Variants in ZNF618 observed in about 807,000 individuals in gnomAD.
ZNF618 encodes the protein zinc finger protein 618.
A neutral mutation model predicts 103.0 loss-of-function variants in ZNF618; 34 were observed. The ratio of observed to expected loss-of-function variants is 0.33; its 90% CI spans 0.25 to 0.44. The LOEUF is 0.44. Ranked by LOEUF, ZNF618 falls within the 20% of genes least tolerant of loss-of-function variation. The pLI is 1.00. For missense variants in ZNF618, 1,059 were observed against 1,295.4 expected, an observed-to-expected ratio of 0.82 and a Z score of 2.80; for synonymous variants, 551 against 542.2, an observed-to-expected ratio of 1.02 and a Z score of -0.23.
chr9:113,924,129 C>T (rs2131699685), intron 1 of ZNF618, among the ~76,000 whole-genome samples: 1 of 152,152 alleles, frequency 6.6e-6, no homozygotes, highest in South Asian at 2.1e-4. Context: ...TGGTACAATT[C>T]ACCACTTGGA....
intron 1 of ZNF618, among the ~76,000 whole-genome samples, chr9:113,897,465 C>A (rs1285604941): frequency 2.0e-5 from 3 of 152,138 alleles, no homozygotes; most frequent in Non-Finnish European, 4.4e-5. Context: ...CTTATTCCAG[C>A]CTCTATGTTT....
chr9:114,047,769 T>A, intron 13 of ZNF618, 124 bp from the exon 14 acceptor site: 1 of 735,476 alleles, frequency 1.4e-6, no homozygotes, highest in Non-Finnish European at 2.3e-6. Context: ...AGCCAGGATT[T>A]TAACCCAGGC....
chr9:114,035,488 G>A (rs747900522), intron 12 of ZNF618, among the ~76,000 whole-genome samples: 3 of 152,194 alleles, frequency 2.0e-5, no homozygotes, highest in Non-Finnish European at 1.5e-5. Context: ...AGGAGCTCAG[G>A]CCTTCCCATT....
chr9:113,976,793 TCA>T (rs534568953), intron 2 of ZNF618, among the ~76,000 whole-genome samples: 228 of 152,334 alleles, frequency 1.5e-3, no homozygotes, highest in African/African-American at 4.9e-3. Context: ...ACCTAACTTT[TCA>T]CATTTTGTCT....
intron 1 of ZNF618, among the ~76,000 whole-genome samples, chr9:113,902,352 T>C (rs981807822): frequency 2.0e-4 from 30 of 152,210 alleles, no homozygotes; most frequent in African/African-American, 6.0e-4. Context: ...TTTCTTTCCC[T>C]CCCTTTTAAA....
In ZNF618 at chr9:114,056,193, G is replaced by A. The variant is rs1037163385; in HGVS notation, c.*6026G>A. On this transcript the variant is annotated 3_prime_UTR_variant, in exon 15 of 15. Transcript: ENST00000374126. ...GTCCTTTGGGTTTTTGTTTCACTTTGTTTTGGTGCCGTTTCTCCATTTACA... is the reference window on the plus strand; with the variant it reads ...GTCCTTTGGGTTTTTGTTTCACTTTATTTTGGTGCCGTTTCTCCATTTACA... 6.6e-6 allele frequency: 1 copy of A among 152,104 alleles called. No individual in the cohort carries two copies. Among genetic ancestry groups the A allele is most frequent in the African/African-American group, 2.4e-5 (1 of 41,332 alleles). The allele number at this position is 152,104 out of a possible 1,614,324, so 9.4% of individuals were successfully genotyped here.
intron 1 of ZNF618, among the ~76,000 whole-genome samples, chr9:113,950,864 G>A (rs1480355846): frequency 1.3e-5 from 2 of 151,854 alleles, no homozygotes; most frequent in African/African-American, 4.8e-5. Flanking sequence ...GAGGAGAGTT[G>A]GCCAGGCAGT....
chr9:114,000,674 A>G lies in ZNF618; in HGVS notation c.434-1322A>G, dbSNP rs12683867. Among the ~76,000 whole-genome samples, 88 of 152,220 alleles carry G rather than the reference A, an allele frequency of 5.8e-4. 1 individual carries two copies. In the East Asian group the frequency reaches 0.016, roughly 28 times the overall value. ...GCTTCACTTCATGCCTCAGGTACAC[A>G]CTCAGGAAACGGGCCTCTGCTTCCA... On this transcript the variant is annotated intron_variant, in intron 4 of 14. Transcript: ENST00000374126.
Position 114,055,508 on chromosome 9 carries a change from T to C in ZNF618, c.*5341T>C, listed in dbSNP as rs1040459657. On this transcript the variant is annotated 3_prime_UTR_variant, in exon 15 of 15. Transcript: ENST00000374126. ...TGTTTTCTGATCCTGCCTTTTTCTT[T>C]TCCCCACAACTTCACGCCAGTGAGT... The C allele has an allele frequency of 2.0e-5, 3 of 152,674 alleles. No homozygotes were observed. The highest frequency in any genetic ancestry group is 2.1e-4 in the South Asian group (1 of 4,826). The allele number at this position is 152,674 out of a possible 1,614,324, so 9.5% of individuals were successfully genotyped here.
Position 114,008,374 on chromosome 9 carries a change from G to A in ZNF618, c.671G>A (p.Arg224Gln), listed in dbSNP as rs748250242. ...VFSVEGAPEN[R>Q]ADPFDQGVVA... ...AGTGTGGAAGGGGCCCCTGAGAACC[G>A]GGCAGGTAAGTCCTTGGTGTCTGCT... is the stretch of plus-strand genomic sequence containing the variant. Residue 224 changes from arginine (R) to glutamine (Q), a missense_variant, in exon 8 of 15, where the codon CGG becomes CAG. Around this residue, in one of 6 missense-constraint regions of ZNF618, gnomAD observed 434 missense variants for 476.0 expected, o/e 0.91. Transcript: ENST00000374126. 1.9e-5 allele frequency: 30 copies of A among 1,613,842 alleles called. No homozygotes were observed. The highest frequency in any genetic ancestry group is 1.2e-4 in the Admixed American group (7 of 60,010).
chr9:114,021,336 A>G (rs774601037), intron 10 of ZNF618, among the ~76,000 whole-genome samples: 2 of 152,118 alleles, frequency 1.3e-5, no homozygotes, highest in Non-Finnish European at 2.9e-5. Flanking sequence ...CATCTAAATT[A>G]CTTAACGATC....
intron 1 of ZNF618, among the ~76,000 whole-genome samples, chr9:113,878,725 G>T (rs1828204099): frequency 6.6e-6 from 1 of 152,134 alleles, no homozygotes; most frequent in African/African-American, 2.4e-5. Context: ...ATTGATGGTG[G>T]GTCACCTGGG....
intron 1 of ZNF618, among the ~76,000 whole-genome samples, chr9:113,961,467 C>G (rs61140657): frequency 2.0e-5 from 3 of 152,220 alleles, no homozygotes; most frequent in Admixed American, 2.0e-4. Flanking sequence ...AATCAAACAT[C>G]TAATAGGAAC....
At position 114,002,090 on chromosome 9, in the gene ZNF618, TG is replaced by T; in HGVS notation, c.511+21del. The T allele has an allele frequency of 6.2e-7, 1 of 1,610,040 alleles. No individual in the cohort carries two copies. Among genetic ancestry groups the T allele is most frequent in the Non-Finnish European group, 8.5e-7 (1 of 1,178,600 alleles). ...CGCACCGAGGTGAGAGGAGTGTCCC[TG>T]GGGCAGAGCCCAGGGGCCGCACCTC... On this transcript the variant is annotated intron_variant, in intron 5 of 14. Transcript: ENST00000374126.
intron 1 of ZNF618, among the ~76,000 whole-genome samples, chr9:113,934,090 C>A (rs1833838048): frequency 6.6e-6 from 1 of 152,098 alleles, no homozygotes; most frequent in Admixed American, 6.5e-5. Context: ...TGATCAGAGT[C>A]AGATGAGTTG....
Position 114,036,309 on chromosome 9 carries a change from C to T in ZNF618, c.1178C>T (p.Thr393Ile). ...GCATTTCTCCCTCCAGAACCCTACA[C>T]CTGCGGCGCCTGTGGGATCCAGTTC... ...SSSQNSSEPY[T>I]CGACGIQFQF... The change falls in exon 13 of 15, where the codon ACC becomes ATC. Residue 393 changes from threonine (T) to isoleucine (I), a missense_variant. Physicochemically the swap from Thr to Ile is moderately conservative, Grantham distance 89. This residue lies in a region of ZNF618 where 434 missense variants were observed against 476.0 expected (regional missense o/e 0.91). Transcript: ENST00000374126. 1 of 1,573,764 alleles carries T rather than the reference C, an allele frequency of 6.4e-7. No homozygotes were observed. Among genetic ancestry groups the T allele is most frequent in the Non-Finnish European group, 8.6e-7 (1 of 1,158,840 alleles).
intron 3 of ZNF618, among the ~76,000 whole-genome samples, 193 bp downstream of exon 3, chr9:113,988,773 G>A (rs1839738725): frequency 6.6e-6 from 1 of 152,186 alleles, no homozygotes; most frequent in African/African-American, 2.4e-5. Flanking sequence ...GCTGGAGAGC[G>A]CTTCTGTTTC....
At chr9:113,909,781 TTTTGTTTG>T (rs140265918) in intron 1 of ZNF618, among the ~76,000 whole-genome samples, 3 of 150,852 alleles carry the variant, frequency 2.0e-5, no homozygotes, top group African/African-American at 7.3e-5. Context: ...GCCTAGCCTT[TTTTGTTTG>T]TTTTTTTTTT....
intron 1 of ZNF618, among the ~76,000 whole-genome samples, chr9:113,940,136 C>T (rs989890274): frequency 6.6e-6 from 1 of 150,584 alleles, no homozygotes; most frequent in Non-Finnish European, 1.5e-5. Context: ...AAAAAAAATA[C>T]TCCTCCAAAT....
Sources: allele counts gnomAD v4.1 joint callset (sites outside exome capture counted in the v4.1 genomes callset), GRCh38; gene constraint gnomAD v4.1.1; regional missense constraint gnomAD v4.1.1; transcripts MANE v1.5; gene names NCBI Gene and HGNC (gene_info 2026-07-23, HGNC 2026-07-21).